Variants in DPP10 observed in about 807,000 individuals in gnomAD.
DPP10 encodes the protein inactive dipeptidyl peptidase 10.
DPP10 carries 33 observed loss-of-function variants against 120.9 expected under a neutral mutation model. The observed-to-expected ratio is 0.27, with a 90% CI of 0.21 to 0.37. The LOEUF is 0.37. Among genes scored for constraint, DPP10 ranks in the 10% least tolerant of loss-of-function variants. DPP10 has a pLI of 1.00. For synonymous variants in DPP10, 337 were observed against 326.1 expected, an observed-to-expected ratio of 1.03 and a Z score of -0.36; for missense variants, 816 against 942.8, an observed-to-expected ratio of 0.87 and a Z score of 1.76.
intron 17 of DPP10, among the ~76,000 whole-genome samples, chr2:115,782,913 T>C (rs1416974429): frequency 6.6e-6 from 1 of 152,102 alleles, no homozygotes; most frequent in Non-Finnish European, 1.5e-5. Flanking sequence ...GATCACCTAC[T>C]TTTGTCAAAC....
chr2:114,637,316 T>C (rs1222818931), intron 1 of DPP10, among the ~76,000 whole-genome samples: 2 of 151,932 alleles, frequency 1.3e-5, no homozygotes, highest in Admixed American at 6.6e-5. Context: ...TTGAAGACTT[T>C]AGGAGGATCA....
chr2:115,379,780 ATCTT>A (rs1369742844), intron 3 of DPP10, among the ~76,000 whole-genome samples: 1 of 152,110 alleles, frequency 6.6e-6, no homozygotes, highest in Non-Finnish European at 1.5e-5. Context: ...TTCAAAGAAC[ATCTT>A]TATTTCTGCC....
intron 1 of DPP10, among the ~76,000 whole-genome samples, chr2:114,840,456 C>T (rs1033082350): frequency 6.6e-6 from 1 of 152,170 alleles, no homozygotes; most frequent in Non-Finnish European, 1.5e-5. Context: ...GTGACCCATT[C>T]GCTTTTCACT....
chr2:115,244,805 A>G (rs899484237), intron 1 of DPP10, among the ~76,000 whole-genome samples: 4 of 150,186 alleles, frequency 2.7e-5, no homozygotes, highest in African/African-American at 4.9e-5. Context: ...GTGTGTGTGT[A>G]TATACATGTG....
chr2:115,545,092 C>T (rs1386346345), intron 5 of DPP10, among the ~76,000 whole-genome samples: 2 of 151,834 alleles, frequency 1.3e-5, no homozygotes, highest in African/African-American at 2.4e-5. Context: ...ATCTAGGCAG[C>T]GGCAGAGTCT....
At chr2:114,963,395 C>T (rs1458125657) in intron 1 of DPP10, among the ~76,000 whole-genome samples, 4 of 151,948 alleles carry the variant, frequency 2.6e-5, no homozygotes, top group Non-Finnish European at 4.4e-5. Flanking sequence ...GGAAAAAAAG[C>T]GTAATTTGCT....
At chr2:114,623,930 TCCA>T (rs1216659122) in intron 1 of DPP10, among the ~76,000 whole-genome samples, 1 of 152,004 alleles carries the variant, frequency 6.6e-6, no homozygotes, top group Non-Finnish European at 1.5e-5. Flanking sequence ...ATTCATCCAG[TCCA>T]CCAAGGAATG....
At chr2:115,655,036 C>T (rs1052922970) in intron 5 of DPP10, among the ~76,000 whole-genome samples, 1 of 151,478 alleles carries the variant, frequency 6.6e-6, no homozygotes, top group Non-Finnish European at 1.5e-5. Context: ...AAAAATTATT[C>T]CTCTAAGTGT....
intron 5 of DPP10, among the ~76,000 whole-genome samples, chr2:115,553,424 AAGC>A (rs756846839): frequency 6.6e-6 from 1 of 152,096 alleles, no homozygotes; most frequent in Non-Finnish European, 1.5e-5. Context: ...ATATATTAAT[AAGC>A]TGTTTTCAAA....
chr2:115,088,732 G>T (rs1431439628), intron 1 of DPP10, among the ~76,000 whole-genome samples: 7 of 102,750 alleles, frequency 6.8e-5, no homozygotes, highest in African/African-American at 2.6e-4. Flanking sequence ...GATTACAGCT[G>T]TGAGCCACTG....
intron 1 of DPP10, among the ~76,000 whole-genome samples, chr2:114,593,548 A>G (rs758171443): frequency 2.6e-5 from 4 of 152,124 alleles, no homozygotes; most frequent in Non-Finnish European, 5.9e-5. Context: ...TTCTGTCTCT[A>G]CTTTCTAATA....
intron 3 of DPP10, among the ~76,000 whole-genome samples, chr2:115,438,812 G>A (rs574706623): frequency 2.4e-4 from 35 of 145,920 alleles, no homozygotes; most frequent in African/African-American, 7.5e-4. Flanking sequence ...GGTCATGGAA[G>A]CACAGTGTGG....
chr2:114,679,842 A>G (rs1327636097), intron 1 of DPP10, among the ~76,000 whole-genome samples: 9 of 152,006 alleles, frequency 5.9e-5, no homozygotes, highest in African/African-American at 7.2e-5. Flanking sequence ...GCAAACTTCT[A>G]CTACAGTACC....
At chr2:114,702,445 G>C (rs757435341) in intron 1 of DPP10, among the ~76,000 whole-genome samples, 1 of 151,968 alleles carries the variant, frequency 6.6e-6, no homozygotes, top group Non-Finnish European at 1.5e-5. Flanking sequence ...GTAGTGGGTG[G>C]CCATTGCTCT....
intron 7 of DPP10, among the ~76,000 whole-genome samples, chr2:115,703,259 G>A (rs2091964629): frequency 6.6e-6 from 1 of 151,830 alleles, no homozygotes; most frequent in Non-Finnish European, 1.5e-5. Flanking sequence ...GTTGAAGGCT[G>A]TACGCTTAAA....
intron 21 of DPP10, among the ~76,000 whole-genome samples, chr2:115,833,870 G>A (rs1689178740): frequency 6.6e-6 from 1 of 152,086 alleles, no homozygotes; most frequent in Non-Finnish European, 1.5e-5. Flanking sequence ...TTTCAGATAA[G>A]GGATATTCAG....
intron 1 of DPP10, among the ~76,000 whole-genome samples, chr2:114,615,840 C>T (rs185540962): frequency 1.1e-4 from 16 of 152,214 alleles, no homozygotes; most frequent in African/African-American, 3.4e-4. Flanking sequence ...ATTTATTGGG[C>T]ATTTCCTATG....
chr2:114,665,115 T>C (rs1429030393), intron 1 of DPP10, among the ~76,000 whole-genome samples: 1 of 152,198 alleles, frequency 6.6e-6, no homozygotes, highest in Non-Finnish European at 1.5e-5. Flanking sequence ...CAGTACCTTA[T>C]ATTACAACAT....
At chr2:114,971,602 T>C (rs1699399419) in intron 1 of DPP10, among the ~76,000 whole-genome samples, 1 of 152,174 alleles carries the variant, frequency 6.6e-6, no homozygotes, top group African/African-American at 2.4e-5. Context: ...ATTATACTTT[T>C]TCTATATCAT....
Sources: allele counts gnomAD v4.1 joint callset (sites outside exome capture counted in the v4.1 genomes callset), GRCh38; gene constraint gnomAD v4.1.1; transcripts MANE v1.5; gene names NCBI Gene and HGNC (gene_info 2026-07-23, HGNC 2026-07-21).